Variants in LOC128092252 observed in about 807,000 individuals in gnomAD.
At chr15:50,671,907 C>T in the LOC128092252 span, among the ~76,000 whole-genome samples, 1 of 152,164 alleles carries the variant, frequency 6.6e-6, no homozygotes, top group Non-Finnish European at 1.5e-5. Flanking sequence ...AACAAACCTG[C>T]ACTGCCAGTT....
the LOC128092252 span, among the ~76,000 whole-genome samples, chr15:50,664,742 C>T: frequency 6.6e-6 from 1 of 152,104 alleles, no homozygotes; most frequent in Non-Finnish European, 1.5e-5. Context: ...AGGAAGATGG[C>T]TTGAGTCTGT....
chr15:50,679,521 T>TATATATATATATA, the LOC128092252 span, among the ~76,000 whole-genome samples: 6 of 22,224 alleles, frequency 2.7e-4, no homozygotes, highest in Admixed American at 3.4e-3. Flanking sequence ...AATATATATA[T>TATATATATATATA]ATATATATAT....
the LOC128092252 span, among the ~76,000 whole-genome samples, chr15:50,682,172 T>TAAAAAAAAAA: frequency 6.9e-5 from 1 of 14,404 alleles, no homozygotes; most frequent in Non-Finnish European, 1.3e-4. Context: ...AAACTCAGTC[T>TAAAAAAAAAA]CAAAAAAAAA....
chr15:50,681,865 T>G, the LOC128092252 span, among the ~76,000 whole-genome samples: 1 of 152,116 alleles, frequency 6.6e-6, no homozygotes, highest in Non-Finnish European at 1.5e-5. Context: ...TCATTTGCCT[T>G]TTACAGATTG....
the LOC128092252 span, among the ~76,000 whole-genome samples, chr15:50,684,990 CT>C: frequency 1.3e-5 from 2 of 152,098 alleles, no homozygotes; most frequent in Non-Finnish European, 2.9e-5. Context: ...TTAAAAAGTC[CT>C]TGTCTTTTTA....
At chr15:50,679,535 TATA>T in the LOC128092252 span, among the ~76,000 whole-genome samples, 6,379 of 44,354 alleles carry the variant, frequency 0.14, 301 homozygotes, top group East Asian at 0.41. Context: ...TATATATATA[TATA>T]TTTTTTTTTT....
the LOC128092252 span, among the ~76,000 whole-genome samples, chr15:50,675,286 T>C: frequency 6.6e-6 from 1 of 151,168 alleles, no homozygotes; most frequent in Non-Finnish European, 1.5e-5. Flanking sequence ...GAGGTTGCAG[T>C]GAGCCAAGAT....
chr15:50,673,393 A>T, the LOC128092252 span, among the ~76,000 whole-genome samples: 4 of 152,130 alleles, frequency 2.6e-5, no homozygotes, highest in African/African-American at 9.6e-5. Flanking sequence ...ACTGCACCCT[A>T]TTTGTAGTCT....
At chr15:50,655,268 T>A in the LOC128092252 span, among the ~76,000 whole-genome samples, 1 of 151,336 alleles carries the variant, frequency 6.6e-6, no homozygotes, top group African/African-American at 2.4e-5. Flanking sequence ...ATCCCATCTC[T>A]ACTAATAATA....
chr15:50,676,743 T>A, the LOC128092252 span, among the ~76,000 whole-genome samples: 1 of 152,062 alleles, frequency 6.6e-6, no homozygotes, highest in Non-Finnish European at 1.5e-5. Flanking sequence ...CAGCAAAATA[T>A]CAATAGAAAT....
At chr15:50,662,204 T>G in the LOC128092252 span, among the ~76,000 whole-genome samples, 1 of 152,174 alleles carries the variant, frequency 6.6e-6, no homozygotes, top group South Asian at 2.1e-4. Flanking sequence ...ATACAAAAAT[T>G]TAGCCGGCTG....
chr15:50,681,304 A>T, the LOC128092252 span, among the ~76,000 whole-genome samples: 2 of 136,352 alleles, frequency 1.5e-5, no homozygotes, highest in Non-Finnish European at 3.1e-5. Flanking sequence ...AAGCATTCAG[A>T]GCAATGGCCA....
chr15:50,653,209 A>C, the LOC128092252 span, among the ~76,000 whole-genome samples: 137 of 152,158 alleles, frequency 9.0e-4, 1 homozygote, highest in Non-Finnish European at 1.7e-3. Context: ...CCAGCTCTTA[A>C]GGAGGCATAA....
At chr15:50,681,242 C>T in the LOC128092252 span, among the ~76,000 whole-genome samples, 3 of 138,694 alleles carry the variant, frequency 2.2e-5, no homozygotes, top group Non-Finnish European at 4.6e-5. Context: ...CCGAGCAAGA[C>T]TTCGTCTCAA....
At chr15:50,679,524 ATATATATATATATATT>A in the LOC128092252 span, among the ~76,000 whole-genome samples, 6 of 45,674 alleles carry the variant, frequency 1.3e-4, no homozygotes, top group African/African-American at 6.3e-4. Context: ...ATATATATAT[ATATATATATATATATT>A]TTTTTTTTTT....
At chr15:50,657,682 G>A in the LOC128092252 span, 2 of 1,049,388 alleles carry the variant, frequency 1.9e-6, no homozygotes, top group Non-Finnish European at 2.9e-6. Context: ...AAATATAATA[G>A]CATGTGAGTT....
chr15:50,656,873 G>A, the LOC128092252 span, among the ~76,000 whole-genome samples: 1 of 152,026 alleles, frequency 6.6e-6, no homozygotes, highest in African/African-American at 2.4e-5. Context: ...AAATCCTATT[G>A]CATTTATCTC....
At chr15:50,679,219 T>G in the LOC128092252 span, among the ~76,000 whole-genome samples, 819 of 134,794 alleles carry the variant, frequency 6.1e-3, 61 homozygotes, top group African/African-American at 0.024. Flanking sequence ...CCTGTCATTT[T>G]AGGTACTTGG....
chr15:50,672,093 C>T, the LOC128092252 span, among the ~76,000 whole-genome samples: 1 of 152,064 alleles, frequency 6.6e-6, no homozygotes, highest in South Asian at 2.1e-4. Context: ...GTCTCACTGT[C>T]GCCCAGGCTG....
Sources: allele counts gnomAD v4.1 joint callset (sites outside exome capture counted in the v4.1 genomes callset), GRCh38; gene constraint gnomAD v4.1.1; transcripts MANE v1.5.